The following CDH4 variants were observed in gnomAD, a reference collection of about 807,000 sequenced individuals.
CDH4 encodes cadherin-4.
CDH4 carries 33 observed loss-of-function variants against 86.0 expected under a neutral mutation model. The ratio of observed to expected loss-of-function variants is 0.38; its 90% confidence interval spans 0.29 to 0.51. The LOEUF is 0.51. Ranked by LOEUF, CDH4 falls within the 20% of genes least tolerant of loss-of-function variation. CDH4 has a pLI of 0.86. For synonymous variants in CDH4, 555 were observed against 549.4 expected (o/e 1.01, Z -0.14); for missense variants, 1,114 against 1,307.4 (o/e 0.85, Z 2.28).
chr20:61,528,540 C>T (rs1276048295), intron 2 of CDH4, among the ~76,000 whole-genome samples: 8 of 151,208 alleles, frequency 5.3e-5, no homozygotes, highest in South Asian at 2.1e-4. Flanking sequence ...GAAGTCAAGA[C>T]GGGAGGATCA....
chr20:61,882,582 C>CG (rs1184846309), intron 7 of CDH4, among the ~76,000 whole-genome samples: 1 of 152,196 alleles, frequency 6.6e-6, no homozygotes, highest in Non-Finnish European at 1.5e-5. Flanking sequence ...GCCCCTGGCC[C>CG]GGGGGGTGCA....
chr20:61,907,608 G>T (rs1257810377), intron 8 of CDH4, among the ~76,000 whole-genome samples: 1 of 152,208 alleles, frequency 6.6e-6, no homozygotes, highest in Non-Finnish European at 1.5e-5. Flanking sequence ...TGTCCTGCTG[G>T]GGGACGATCT....
At chr20:61,934,959 ACG>A (rs2055163070) in intron 15 of CDH4, among the ~76,000 whole-genome samples, 1 of 152,216 alleles carries the variant, frequency 6.6e-6, no homozygotes, top group African/African-American at 2.4e-5. Context: ...TCCACTTCCA[ACG>A]CGCAGCTCCC....
At chr20:61,849,710 G>A (rs560987123) in intron 5 of CDH4, among the ~76,000 whole-genome samples, 11 of 152,262 alleles carry the variant, frequency 7.2e-5, no homozygotes, top group South Asian at 4.1e-4. Flanking sequence ...TGCATGCCTC[G>A]GCACGTGTCT....
intron 2 of CDH4, among the ~76,000 whole-genome samples, chr20:61,732,348 C>T (rs2088201177): frequency 6.6e-6 from 1 of 152,150 alleles, no homozygotes; most frequent in Non-Finnish European, 1.5e-5. Flanking sequence ...GCTCTCCAAC[C>T]TACAAGTGTG....
chr20:61,887,174 G>A (rs887236558), intron 7 of CDH4, among the ~76,000 whole-genome samples: 2 of 152,050 alleles, frequency 1.3e-5, no homozygotes, highest in Non-Finnish European at 2.9e-5. Context: ...TCAGGAGCCT[G>A]ACCCCACCTC....
At chr20:61,608,907 C>T (rs906200588) in intron 2 of CDH4, among the ~76,000 whole-genome samples, 1 of 152,130 alleles carries the variant, frequency 6.6e-6, no homozygotes, top group Admixed American at 6.5e-5. Flanking sequence ...CCTTGGCCAA[C>T]GCTGCTGCAT....
intron 6 of CDH4, among the ~76,000 whole-genome samples, chr20:61,865,627 A>T (rs1983512597): frequency 6.8e-6 from 1 of 146,646 alleles, no homozygotes; most frequent in African/African-American, 2.6e-5. Flanking sequence ...AGGTTCCTAG[A>T]CTGGTTAGTG....
At chr20:61,396,598 T>C (rs1054667433) in intron 2 of CDH4, among the ~76,000 whole-genome samples, 2 of 152,240 alleles carry the variant, frequency 1.3e-5, no homozygotes, top group Admixed American at 6.5e-5. Context: ...GGGAGCATCC[T>C]GAGACCAGCA....
At chr20:61,707,123 T>C (rs1193629448) in intron 2 of CDH4, among the ~76,000 whole-genome samples, 1 of 152,228 alleles carries the variant, frequency 6.6e-6, no homozygotes, top group Admixed American at 6.5e-5. Flanking sequence ...CTGTCATCCA[T>C]GTCTGGACAG....
At chr20:61,396,366 C>A (rs73314680) in intron 2 of CDH4, among the ~76,000 whole-genome samples, 7,331 of 152,220 alleles carry the variant, frequency 0.048, 287 homozygotes, top group East Asian at 0.21. Context: ...TGGAACTGAG[C>A]CTCTGGGGCC....
intron 2 of CDH4, among the ~76,000 whole-genome samples, chr20:61,508,428 G>A (rs2085757166): frequency 6.6e-6 from 1 of 152,232 alleles, no homozygotes; most frequent in Non-Finnish European, 1.5e-5. Flanking sequence ...GCTGAAGACT[G>A]TTGCGGTCGG....
intron 2 of CDH4, among the ~76,000 whole-genome samples, chr20:61,580,105 G>A (rs985581068): frequency 2.0e-5 from 3 of 149,630 alleles, no homozygotes; most frequent in Non-Finnish European, 2.9e-5. Context: ...CTGGACTTAC[G>A]GACTCTTACA....
intron 3 of CDH4, among the ~76,000 whole-genome samples, chr20:61,767,387 C>T (rs796235038): frequency 2.0e-5 from 3 of 152,352 alleles, no homozygotes; most frequent in African/African-American, 7.2e-5. Context: ...GGAAAAGATG[C>T]ACAGCCCCCG....
chr20:61,452,032 G>A (rs2085383669), intron 2 of CDH4, among the ~76,000 whole-genome samples: 1 of 152,210 alleles, frequency 6.6e-6, no homozygotes, highest in African/African-American at 2.4e-5. Flanking sequence ...AAACGGCTGT[G>A]GCCCCTTCCT....
intron 2 of CDH4, among the ~76,000 whole-genome samples, chr20:61,541,751 T>C (rs2086041213): frequency 6.6e-6 from 1 of 152,194 alleles, no homozygotes; most frequent in Admixed American, 6.5e-5. Context: ...TCTGTGAGCC[T>C]CTCCCCGTGG....
intron 2 of CDH4, among the ~76,000 whole-genome samples, chr20:61,425,257 C>A (rs1300397589): frequency 1.3e-5 from 2 of 152,158 alleles, no homozygotes; most frequent in Admixed American, 1.3e-4. Flanking sequence ...CCACAGAAGG[C>A]TCCGGGAACA....
intron 2 of CDH4, among the ~76,000 whole-genome samples, chr20:61,607,455 T>A (rs572402364): frequency 6.6e-6 from 1 of 152,318 alleles, no homozygotes; most frequent in South Asian, 2.1e-4. Context: ...AAATTATTTT[T>A]CTTATAGACT....
intron 2 of CDH4, among the ~76,000 whole-genome samples, chr20:61,341,896 A>G (rs1301331160): frequency 6.6e-6 from 1 of 152,154 alleles, no homozygotes; most frequent in African/African-American, 2.4e-5. Context: ...GTCATTTCCT[A>G]GGGGTTTGCG....
Sources: gnomAD v4.1 joint callset for allele counts (sites outside exome capture counted in the v4.1 genomes callset) on GRCh38, gnomAD v4.1.1 for gene constraint, MANE v1.5 for transcripts, NCBI Gene and HGNC (gene_info 2026-07-23, HGNC 2026-07-21) for gene names.